Variants in GSE1 observed in about 807,000 individuals in gnomAD.
GSE1 encodes the protein genetic suppressor element 1.
A neutral mutation model predicts 112.6 loss-of-function variants in GSE1; 32 were observed. The observed-to-expected ratio is 0.28, with a 90% CI of 0.21 to 0.38. GSE1 has a LOEUF of 0.38. GSE1 is among the 10% of genes least tolerant of loss of function. The pLI, the probability that GSE1 is intolerant of heterozygous loss-of-function variation, is 1.00. For missense variants in GSE1, 2,348 were observed against 1,699.2 expected (o/e 1.38, Z -6.71); for synonymous variants, 1,115 against 735.6 (o/e 1.52, Z -8.35).
chr16:85,289,004 G>T (rs989763344), intron 1 of GSE1, among the ~76,000 whole-genome samples: 22 of 152,122 alleles, frequency 1.4e-4, no homozygotes, highest in Admixed American at 1.2e-3. Flanking sequence ...CCTGAGCCTC[G>T]GCCACCTTCC....
chr16:85,593,061 C>A (rs192457686), intron 1 of GSE1: 2 of 152,408 alleles, frequency 1.3e-5, no homozygotes, highest in East Asian at 1.9e-4. Context: ...AAGGAATCAT[C>A]CTCTCTAGTC....
At chr16:85,236,407 T>A (rs1274124545) in intron 1 of GSE1, among the ~76,000 whole-genome samples, 1 of 152,242 alleles carries the variant, frequency 6.6e-6, no homozygotes, top group Non-Finnish European at 1.5e-5. Flanking sequence ...TCTGGGCCTC[T>A]GGCCCAGTGG....
chr16:85,510,407 C>CGTGT (rs1555524666), intron 2 of GSE1, among the ~76,000 whole-genome samples: 1 of 149,302 alleles, frequency 6.7e-6, no homozygotes, highest in African/African-American at 2.5e-5. Flanking sequence ...CCCGAGCGTG[C>CGTGT]GTGTGTGTGT....
At chr16:85,169,980 CGAG>C in exon 1 of GSE1, 1 of 984,630 alleles carries the variant, frequency 1.0e-6, no homozygotes, top group Non-Finnish European at 1.2e-6. Flanking sequence ...GCGACGACGA[CGAG>C]GACGACGGTG....
chr16:85,248,414 C>G (rs1338851602), intron 1 of GSE1, among the ~76,000 whole-genome samples: 1 of 152,062 alleles, frequency 6.6e-6, no homozygotes, highest in Non-Finnish European at 1.5e-5. Context: ...TTTCCTCTGT[C>G]TCTTTTCTCT....
intron 1 of GSE1, among the ~76,000 whole-genome samples, chr16:85,194,318 C>T (rs1209905310): frequency 2.0e-5 from 3 of 152,168 alleles, no homozygotes; most frequent in Admixed American, 2.0e-4. Context: ...ATGAAGGAGA[C>T]TGTGGCTTAG....
At chr16:85,396,195 C>G (rs1597593563) in intron 2 of GSE1, among the ~76,000 whole-genome samples, 1 of 152,210 alleles carries the variant, frequency 6.6e-6, no homozygotes, top group Non-Finnish European at 1.5e-5. Flanking sequence ...CCCTGCCCGT[C>G]TCCTCCCCAG....
chr16:85,321,124 C>T (rs554048055), intron 1 of GSE1, among the ~76,000 whole-genome samples: 2 of 152,296 alleles, frequency 1.3e-5, no homozygotes, highest in South Asian at 4.1e-4. Context: ...CTCCAGGCAA[C>T]TGGAAGGACA....
intron 1 of GSE1, among the ~76,000 whole-genome samples, chr16:85,331,762 G>A (rs2046380015): frequency 7.2e-6 from 1 of 139,490 alleles, no homozygotes; most frequent in Non-Finnish European, 1.5e-5. Context: ...TGCCCAGGCT[G>A]GTCTCAAACT....
intron 1 of GSE1, among the ~76,000 whole-genome samples, chr16:85,254,771 G>C (rs1303669282): frequency 2.6e-5 from 4 of 152,220 alleles, no homozygotes; most frequent in South Asian, 4.1e-4. Context: ...GAAGGACGCA[G>C]GCAGAGGGGT....
intron 2 of GSE1, among the ~76,000 whole-genome samples, chr16:85,464,467 C>A (rs2050068410): frequency 6.6e-6 from 1 of 152,230 alleles, no homozygotes; most frequent in South Asian, 2.1e-4. Context: ...CCTCTGATCG[C>A]CCTTCCTCCG....
intron 1 of GSE1, among the ~76,000 whole-genome samples, chr16:85,321,158 C>T (rs905524617): frequency 4.6e-5 from 7 of 152,158 alleles, no homozygotes; most frequent in Admixed American, 1.3e-4. Context: ...TCTCTTCTGC[C>T]GGTGTCCTAG....
chr16:85,215,326 C>G (rs1308569103), intron 1 of GSE1, among the ~76,000 whole-genome samples: 1 of 152,180 alleles, frequency 6.6e-6, no homozygotes, highest in African/African-American at 2.4e-5. Context: ...ACCATACGTT[C>G]TCACTTGTAG....
At chr16:85,314,515 C>G (rs775222606) in intron 1 of GSE1, among the ~76,000 whole-genome samples, 1 of 152,100 alleles carries the variant, frequency 6.6e-6, no homozygotes, top group Non-Finnish European at 1.5e-5. Context: ...CCCACTGTCC[C>G]CTACACGTGT....
chr16:85,580,663 A>G (rs1456263980), intron 1 of GSE1, among the ~76,000 whole-genome samples: 1 of 152,220 alleles, frequency 6.6e-6, no homozygotes, highest in Non-Finnish European at 1.5e-5. Context: ...CAGATGTGGA[A>G]GCCCCGACCC....
At chr16:85,562,749 C>CT (rs1369397916) in intron 1 of GSE1, among the ~76,000 whole-genome samples, 1 of 152,202 alleles carries the variant, frequency 6.6e-6, no homozygotes, top group Non-Finnish European at 1.5e-5. Flanking sequence ...AGGGGGGTTC[C>CT]CTCTCACCAA....
intron 2 of GSE1, among the ~76,000 whole-genome samples, chr16:85,502,912 G>C (rs1003275369): frequency 1.3e-5 from 2 of 152,240 alleles, no homozygotes; most frequent in African/African-American, 4.8e-5. Context: ...AGGGCTGGGT[G>C]CCCACGGAAG....
At position 85,372,873 on chromosome 16, in the gene GSE1, G is replaced by A. The variant is rs73253157; in HGVS notation, c.2464+15230G>A. Among the ~76,000 whole-genome samples the A allele has an allele frequency of 1.3e-3, 197 of 152,342 alleles. 4 individuals carry two copies. The highest frequency in any genetic ancestry group is 4.6e-3 in the African/African-American group (191 of 41,584). On this transcript the variant is annotated intron_variant, in intron 2 of 2. Transcript: ENST00000637419. Reference sequence around the variant, plus strand: ...TCCTCCCCCTTGTTGCAGATGAGAAGGCTAAGGAGGAGGGGAAAAGTGACT... The same window carrying A: ...TCCTCCCCCTTGTTGCAGATGAGAAAGCTAAGGAGGAGGGGAAAAGTGACT...
intron 1 of GSE1, among the ~76,000 whole-genome samples, chr16:85,211,301 T>G (rs1033630582): frequency 1.9e-4 from 28 of 150,326 alleles, no homozygotes; most frequent in African/African-American, 6.8e-4. Context: ...GGCTTGTGGT[T>G]TTTTTTTTTT....
Sources: allele counts gnomAD v4.1 joint callset (sites outside exome capture counted in the v4.1 genomes callset), GRCh38; gene constraint gnomAD v4.1.1; transcripts MANE v1.5; gene names NCBI Gene and HGNC (gene_info 2026-07-23, HGNC 2026-07-21).